The following SAMD4A variants were observed in gnomAD, a reference collection of about 807,000 sequenced individuals.
SAMD4A encodes sterile alpha motif domain containing 4A.
Under a neutral mutation model 81.3 loss-of-function variants are expected in SAMD4A, and 33 were observed. That is an observed-to-expected ratio of 0.41 (90% CI 0.31 to 0.54). The LOEUF is 0.54. SAMD4A is among the 20% of genes least tolerant of loss of function. SAMD4A has a pLI of 0.37. For missense variants in SAMD4A, 854 were observed against 951.1 expected, an observed-to-expected ratio of 0.90 and a Z score of 1.34; for synonymous variants, 389 against 382.1, an observed-to-expected ratio of 1.02 and a Z score of -0.21.
intron 12 of SAMD4A, among the ~76,000 whole-genome samples, chr14:54,788,477 C>T (rs933633291): frequency 6.6e-6 from 1 of 152,164 alleles, no homozygotes; most frequent in Admixed American, 6.5e-5. Flanking sequence ...CCATCCCCAC[C>T]CTCCTCCTCC....
intron 6 of SAMD4A, among the ~76,000 whole-genome samples, chr14:54,756,626 C>T (rs1034239943): frequency 2.0e-5 from 3 of 152,146 alleles, no homozygotes; most frequent in South Asian, 2.1e-4. Flanking sequence ...AGAATGGATG[C>T]GCTAGATACA....
At chr14:54,722,499 C>A (rs943455191) in intron 3 of SAMD4A, among the ~76,000 whole-genome samples, 2 of 152,092 alleles carry the variant, frequency 1.3e-5, no homozygotes, top group African/African-American at 4.8e-5. Flanking sequence ...TATTTTTTTA[C>A]CCTTCTTTGT....
intron 11 of SAMD4A, 85 bp from the exon 12 acceptor site, chr14:54,784,438 TCCCAGGGAGGTACA>T: frequency 6.2e-7 from 1 of 1,612,924 alleles, no homozygotes; most frequent in South Asian, 1.1e-5. Context: ...CCCCAAGTCC[TCCCAGGGAGGTACA>T]CCAGACCTTT....
intron 2 of SAMD4A, among the ~76,000 whole-genome samples, chr14:54,632,911 A>G (rs6572964): frequency 0.75 from 114,645 of 152,194 alleles, 43,321 homozygotes; most frequent in East Asian, 0.88. Context: ...ATTTAAGGAG[A>G]CCCTATTGAA....
chr14:54,725,556 C>T (rs998302315), intron 3 of SAMD4A, among the ~76,000 whole-genome samples: 5 of 152,128 alleles, frequency 3.3e-5, no homozygotes, highest in Non-Finnish European at 7.3e-5. Flanking sequence ...ATTTTTCATG[C>T]CACATGTAAT....
At chr14:54,669,319 C>T (rs1009587385) in intron 2 of SAMD4A, among the ~76,000 whole-genome samples, 2 of 152,164 alleles carry the variant, frequency 1.3e-5, no homozygotes, top group African/African-American at 4.8e-5. Context: ...ACCTGCTTTC[C>T]ACGGAATGCT....
At chr14:54,763,112 C>A (rs2038447022) in intron 7 of SAMD4A, among the ~76,000 whole-genome samples, 1 of 152,006 alleles carries the variant, frequency 6.6e-6, no homozygotes, top group Non-Finnish European at 1.5e-5. Context: ...GCCTCAGCCT[C>A]CCAAAGTGCT....
chr14:54,641,854 G>A lies in SAMD4A; in HGVS notation c.197-60208G>A, dbSNP rs962627104. 3.3e-5 allele frequency among the ~76,000 whole-genome samples: 5 copies of A among 152,070 alleles called. No homozygotes were observed. In the East Asian group the frequency reaches 7.7e-4, roughly 23 times the overall value. On this transcript the variant is annotated intron_variant, in intron 2 of 12. Transcript: ENST00000554335. Reference sequence around the variant, plus strand: ...GCTCTGTCACCCAGGCTTGAGTACAGTGGTGCAATCTTGGGTCACTGCAAC... The same window carrying A: ...GCTCTGTCACCCAGGCTTGAGTACAATGGTGCAATCTTGGGTCACTGCAAC...
chr14:54,706,903 G>A (rs561736894), intron 3 of SAMD4A, among the ~76,000 whole-genome samples: 81 of 152,244 alleles, frequency 5.3e-4, no homozygotes, highest in African/African-American at 1.9e-3. Context: ...GCATAGGAGT[G>A]ACATGCTGTA....
chr14:54,699,374 G>C (rs80331232), intron 2 of SAMD4A, among the ~76,000 whole-genome samples: 5,720 of 152,180 alleles, frequency 0.038, 366 homozygotes, highest in African/African-American at 0.13. Flanking sequence ...GAGTCAGGGA[G>C]CTGGGAGGGA....
At chr14:54,688,047 G>A in intron 2 of SAMD4A, 1 of 985,712 alleles carries the variant, frequency 1.0e-6, no homozygotes, top group Non-Finnish European at 1.2e-6. Flanking sequence ...AGAGGGAGGA[G>A]ATGGAGCAAT....
chr14:54,645,955 G>A (rs747355003), intron 2 of SAMD4A, among the ~76,000 whole-genome samples: 1 of 152,224 alleles, frequency 6.6e-6, no homozygotes, highest in African/African-American at 2.4e-5. Context: ...AAATAAGGAA[G>A]TGTTAGAGGC....
intron 3 of SAMD4A, chr14:54,703,563 A>G (rs756954729): frequency 6.6e-5 from 10 of 152,230 alleles, no homozygotes; most frequent in Admixed American, 2.6e-4. Flanking sequence ...CAGTTAAAAG[A>G]TATGAGAGGA....
intron 2 of SAMD4A, among the ~76,000 whole-genome samples, chr14:54,696,407 A>G (rs896121916): frequency 6.6e-6 from 1 of 152,236 alleles, no homozygotes; most frequent in Non-Finnish European, 1.5e-5. Context: ...GACCATGTAA[A>G]ACCCACCAAT....
Position 54,776,395 on chromosome 14 carries a change from C to CT in SAMD4A, c.1918-15dup, listed in dbSNP as rs772154849. On this transcript the variant is annotated intron_variant, in intron 10 of 12. Coordinates refer to ENST00000554335, the MANE Select transcript of SAMD4A (RefSeq NM_015589.6). ...AGTGGGGCTGAACTAACAAGTTCCC[C>CT]TTTTGCTTTTCTCACCAGAACCTGT... 1 of 1,585,452 alleles carries CT rather than the reference C, an allele frequency of 6.3e-7. No homozygotes were observed. Among genetic ancestry groups the CT allele is most frequent in the South Asian group, 1.2e-5 (1 of 86,276 alleles).
chr14:54,737,329 C>A, intron 4 of SAMD4A, 42 bp downstream of exon 4: 1 of 1,605,216 alleles, frequency 6.2e-7, no homozygotes, highest in African/African-American at 1.3e-5. Flanking sequence ...AGAGCCCCTC[C>A]CTTTATTGGA....
At chr14:54,731,043 G>A (rs757919610) in intron 3 of SAMD4A, among the ~76,000 whole-genome samples, 2 of 152,320 alleles carry the variant, frequency 1.3e-5, no homozygotes, top group Non-Finnish European at 2.9e-5. Context: ...AAAGCCTTTA[G>A]TGGTTCTTAG....
rs182693525 is a variant in SAMD4A at position 54,590,237 on chromosome 14, C to T, written c.196+22125C>T. 1.5e-3 allele frequency among the ~76,000 whole-genome samples: 236 copies of T among 152,272 alleles called. 1 individual carries two copies. The highest frequency in any genetic ancestry group is 5.2e-3 in the African/African-American group (217 of 41,546). ...GTTCTCATGGTTCACGCCTGTAACC[C>T]CAGCATTTTGGGAGGCCAACATAGG... On this transcript the variant is annotated intron_variant, in intron 2 of 12. Transcript: ENST00000554335.
intron 2 of SAMD4A, chr14:54,685,992 A>G (rs1447135618): frequency 2.4e-6 from 1 of 411,618 alleles, no homozygotes; most frequent in South Asian, 1.8e-5. Flanking sequence ...TGTGAAGCTC[A>G]TACAAAGGTC....
Sources: gnomAD v4.1 joint callset for allele counts (sites outside exome capture counted in the v4.1 genomes callset) on GRCh38, gnomAD v4.1.1 for gene constraint, MANE v1.5 for transcripts, NCBI Gene and HGNC (gene_info 2026-07-23, HGNC 2026-07-21) for gene names.